Variants in ART3 observed in about 807,000 individuals in gnomAD.
ART3 encodes the protein ecto-ADP-ribosyltransferase 3.
In ART3, 49 loss-of-function variants were observed where a neutral mutation model predicts 48.5. The ratio of observed to expected loss-of-function variants is 1.01; its 90% confidence interval spans 0.80 to 1.28. The LOEUF (loss-of-function observed/expected upper bound fraction) is 1.28. Among genes scored for constraint, ART3 ranks in the 50% most tolerant of loss-of-function variants. The pLI is 0.00. For missense variants in ART3, 438 were observed against 454.3 expected (o/e 0.96, Z 0.33); for synonymous variants, 145 against 157.2 (o/e 0.92, Z 0.58).
At chr4:76,052,266 C>A (rs916308933) in intron 1 of ART3, among the ~76,000 whole-genome samples, 3 of 152,106 alleles carry the variant, frequency 2.0e-5, no homozygotes, top group African/African-American at 7.2e-5. Flanking sequence ...CTAATGTAGT[C>A]TGGTATTTGA....
chr4:76,098,745 G>A (rs1244747602), intron 4 of ART3, among the ~76,000 whole-genome samples: 1 of 152,126 alleles, frequency 6.6e-6, no homozygotes, highest in Non-Finnish European at 1.5e-5. Flanking sequence ...GGGCGACAAA[G>A]CAAGACTCTT....
chr4:76,056,649 C>A (rs897594123), intron 1 of ART3, among the ~76,000 whole-genome samples: 2 of 152,022 alleles, frequency 1.3e-5, no homozygotes, highest in African/African-American at 4.8e-5. Flanking sequence ...TCCTGTTGCC[C>A]ATCAGGCTGA....
chr4:76,084,647 T>C (rs931704115), intron 3 of ART3, among the ~76,000 whole-genome samples: 9 of 152,208 alleles, frequency 5.9e-5, no homozygotes, highest in Non-Finnish European at 1.3e-4. Context: ...GTTAGTAAAC[T>C]CCTTCTCCTG....
chr4:76,048,047 A>G (rs534948957), intron 1 of ART3, among the ~76,000 whole-genome samples: 1 of 151,770 alleles, frequency 6.6e-6, no homozygotes, highest in African/African-American at 2.4e-5. Context: ...AGGGGTTTTT[A>G]TGGTCGTTTG....
chr4:76,043,826 A>G (rs1735230159), intron 1 of ART3, among the ~76,000 whole-genome samples: 1 of 151,594 alleles, frequency 6.6e-6, no homozygotes, highest in Admixed American at 6.6e-5. Context: ...GGCTGTGAGG[A>G]CTGCCAGCAC....
chr4:76,081,816 C>T lies in ART3; in HGVS notation c.70-8C>T, dbSNP rs763930931. ...TTTCAAGAGTATTAATTTCTTTTTC[C>T]TTTGAAGGTGAAGGCTGAAGTGTTA... is the stretch of plus-strand genomic sequence containing the variant. On this transcript the variant is annotated splice_polypyrimidine_tract_variant and splice_region_variant and intron_variant, in intron 2 of 11. Transcript: ENST00000355810. 1.9e-6 allele frequency: 3 copies of T among 1,594,804 alleles called. No homozygotes were observed. Among genetic ancestry groups the T allele is most frequent in the Non-Finnish European group, 2.6e-6 (3 of 1,169,944 alleles).
Position 76,034,396 on chromosome 4 carries a change from C to T in ART3, c.-10+23076C>T, listed in dbSNP as rs1224156429. 14 of 445,862 alleles carry T rather than the reference C, an allele frequency of 3.1e-5. No homozygotes were observed. In the East Asian group the frequency reaches 4.6e-4, roughly 15 times the overall value. The allele number at this position is 445,862 out of a possible 1,614,324, so 27.6% of individuals were successfully genotyped here. A position where few individuals can be genotyped will look rare whatever the true frequency, so the allele number is the denominator to read the frequency against. On this transcript the variant is annotated intron_variant, in intron 1 of 9. Transcript: ENST00000341029. Reference sequence around the variant, plus strand: ...CTAGAGACAGAAATGTTCTCATAGTCACAACAGAATAGTTGTAAGCATCAA... The same window carrying T: ...CTAGAGACAGAAATGTTCTCATAGTTACAACAGAATAGTTGTAAGCATCAA...
At chr4:76,066,343 G>A (rs11097223) in intron 1 of ART3, among the ~76,000 whole-genome samples, 88,966 of 151,706 alleles carry the variant, frequency 0.59, 26,937 homozygotes, top group East Asian at 0.94. Flanking sequence ...ATTTAGTGCT[G>A]TAACTGCTCA....
At chr4:76,063,156 T>C (rs1048688692) in intron 1 of ART3, among the ~76,000 whole-genome samples, 2 of 152,216 alleles carry the variant, frequency 1.3e-5, no homozygotes, top group African/African-American at 2.4e-5. Context: ...CTGCCTTCTT[T>C]TTCTCTACTA....
chr4:76,079,203 G>T (rs78398520), intron 2 of ART3, among the ~76,000 whole-genome samples: 2 of 149,600 alleles, frequency 1.3e-5, no homozygotes, highest in African/African-American at 5.0e-5. Flanking sequence ...AAGGCGGGGG[G>T]CTAATAATAG....
chr4:76,026,410 T>C (rs1029525536), intron 1 of ART3, among the ~76,000 whole-genome samples: 2 of 152,180 alleles, frequency 1.3e-5, no homozygotes, highest in Non-Finnish European at 2.9e-5. Flanking sequence ...AGAAGGATGG[T>C]TGAATGAATC....
intron 8 of ART3, among the ~76,000 whole-genome samples, chr4:76,102,268 A>G (rs1034247624): frequency 4.6e-5 from 7 of 152,214 alleles, no homozygotes; most frequent in Non-Finnish European, 7.3e-5. Context: ...CGGGAACTTC[A>G]TTTATCAAGC....
chr4:76,026,325 C>G (rs1486790776), intron 1 of ART3, among the ~76,000 whole-genome samples: 1 of 151,954 alleles, frequency 6.6e-6, no homozygotes, highest in Non-Finnish European at 1.5e-5. Context: ...ATGTCTGTTT[C>G]TCCATGCTAA....
upstream of ART3, among the ~76,000 whole-genome samples, chr4:76,072,288 ACC>A: frequency 6.6e-6 from 1 of 152,198 alleles, no homozygotes; most frequent in Non-Finnish European, 1.5e-5. Context: ...GACTTTTAGA[ACC>A]CACAAATGCT....
chr4:76,049,210 T>C (rs1326662121), intron 1 of ART3, among the ~76,000 whole-genome samples: 1 of 151,886 alleles, frequency 6.6e-6, no homozygotes, highest in African/African-American at 2.4e-5. Context: ...ATCATTCTTA[T>C]AGGAGAAACT....
At chr4:76,012,981 G>C (rs1731937238) in intron 1 of ART3, among the ~76,000 whole-genome samples, 1 of 152,040 alleles carries the variant, frequency 6.6e-6, no homozygotes, top group Non-Finnish European at 1.5e-5. Context: ...TTATTCTTAT[G>C]GTTCTAGACT....
At chr4:76,031,063 C>T (rs1733830170) in intron 1 of ART3, among the ~76,000 whole-genome samples, 1 of 152,122 alleles carries the variant, frequency 6.6e-6, no homozygotes, top group Non-Finnish European at 1.5e-5. Context: ...GAGCCAGCCC[C>T]ATTACTTTTC....
intron 9 of ART3, 142 bp downstream of exon 9, chr4:76,104,111 C>A: frequency 2.0e-6 from 2 of 1,006,422 alleles, no homozygotes; most frequent in South Asian, 1.5e-5. Context: ...AAATATTTAG[C>A]TGGGGAAGCG....
chr4:76,036,759 C>A, intron 1 of ART3: 1 of 241,720 alleles, frequency 4.1e-6, no homozygotes. Context: ...CTCAGTCCTT[C>A]TTGGCAGCTG....
Sources: allele counts gnomAD v4.1 joint callset (sites outside exome capture counted in the v4.1 genomes callset), GRCh38; gene constraint gnomAD v4.1.1; transcripts MANE v1.5; gene names NCBI Gene and HGNC (gene_info 2026-07-23, HGNC 2026-07-21).